Variants in RBFOX1 observed in about 807,000 individuals in gnomAD.
RBFOX1 encodes the protein RNA binding protein fox-1 homolog 1.
Under a neutral mutation model 57.7 loss-of-function variants are expected in RBFOX1, and 8 were observed. The ratio of observed to expected loss-of-function variants is 0.14; its 90% CI spans 0.08 to 0.25. The LOEUF (loss-of-function observed/expected upper bound fraction) is 0.25, where lower values mean the gene tolerates loss of function less well. Ranked by LOEUF, RBFOX1 falls within the 10% of genes least tolerant of loss-of-function variation. The pLI is 1.00. For synonymous variants in RBFOX1, 326 were observed against 222.4 expected, an observed-to-expected ratio of 1.47 and a Z score of -4.15; for missense variants, 611 against 548.5, an observed-to-expected ratio of 1.11 and a Z score of -1.14.
intron 14 of RBFOX1, among the ~76,000 whole-genome samples, chr16:7,698,835 C>CAT (rs1263766049): frequency 3.3e-5 from 5 of 152,168 alleles, no homozygotes; most frequent in Non-Finnish European, 7.3e-5. Context: ...GTATATGAGG[C>CAT]ATAGTCTCAG....
intron 3 of RBFOX1, among the ~76,000 whole-genome samples, chr16:6,658,920 G>GTTTTTTTGT (rs1469172243): frequency 4.5e-5 from 4 of 88,378 alleles, no homozygotes; most frequent in Non-Finnish European, 7.8e-5. Flanking sequence ...TTGTTTTTTT[G>GTTTTTTTGT]TTTTTTGGTT....
chr16:7,235,524 G>T (rs564194353), intron 4 of RBFOX1, among the ~76,000 whole-genome samples: 1 of 152,268 alleles, frequency 6.6e-6, no homozygotes, highest in South Asian at 2.1e-4. Flanking sequence ...ATGGGCCCCC[G>T]TAGCTTCATC....
intron 3 of RBFOX1, among the ~76,000 whole-genome samples, chr16:5,744,198 C>T (rs980309585): frequency 6.6e-6 from 1 of 152,126 alleles, no homozygotes; most frequent in Non-Finnish European, 1.5e-5. Context: ...TTCCACCTCA[C>T]TCATCTGGCA....
intron 2 of RBFOX1, among the ~76,000 whole-genome samples, chr16:6,336,303 A>G (rs2083744072): frequency 7.1e-6 from 1 of 141,742 alleles, no homozygotes. Flanking sequence ...GGTTCACGCC[A>G]TTCTGCCTCA....
intron 3 of RBFOX1, among the ~76,000 whole-genome samples, chr16:6,896,297 T>C (rs1348059102): frequency 6.6e-6 from 1 of 152,232 alleles, no homozygotes; most frequent in African/African-American, 2.4e-5. Context: ...TTTTTGGTAC[T>C]AACAATCCAA....
intron 4 of RBFOX1, among the ~76,000 whole-genome samples, chr16:7,501,026 C>T (rs2070645488): frequency 1.3e-5 from 2 of 152,194 alleles, no homozygotes; most frequent in African/African-American, 4.8e-5. Flanking sequence ...TCCCCTTCCA[C>T]CATGATTGTA....
chr16:6,295,923 C>A (rs4786850), intron 1 of RBFOX1, among the ~76,000 whole-genome samples: 93,240 of 152,104 alleles, frequency 0.61, 29,717 homozygotes, highest in East Asian at 0.81. Context: ...TCCAGCAGGA[C>A]ACCTGATGTA....
chr16:6,021,408 G>T (rs1398826840), intron 1 of RBFOX1, among the ~76,000 whole-genome samples: 1 of 152,114 alleles, frequency 6.6e-6, no homozygotes, highest in African/African-American at 2.4e-5. Context: ...TGACCACAGA[G>T]GCCCCGGCTG....
intron 3 of RBFOX1, among the ~76,000 whole-genome samples, chr16:6,782,829 A>T (rs745851282): frequency 6.6e-6 from 1 of 152,280 alleles, no homozygotes; most frequent in African/African-American, 2.4e-5. Flanking sequence ...TGGTATGTTA[A>T]CTTAGCATTC....
chr16:5,666,395 T>C (rs1237550909), intron 3 of RBFOX1, among the ~76,000 whole-genome samples: 4 of 152,192 alleles, frequency 2.6e-5, no homozygotes, highest in African/African-American at 9.6e-5. Flanking sequence ...GAAGATTACG[T>C]GCTCCTTTTA....
At chr16:6,629,740 T>C (rs1252032559) in intron 2 of RBFOX1, among the ~76,000 whole-genome samples, 1 of 152,220 alleles carries the variant, frequency 6.6e-6, no homozygotes, top group East Asian at 1.9e-4. Flanking sequence ...CTTTCCTTTC[T>C]AACCACATTT....
chr16:5,980,228 C>G (rs544248948), intron 4 of RBFOX1, among the ~76,000 whole-genome samples: 6 of 152,212 alleles, frequency 3.9e-5, no homozygotes, highest in African/African-American at 1.4e-4. Flanking sequence ...GTTTGCATCT[C>G]CCTTGGCTAA....
At chr16:5,632,242 C>T (rs922648261) in intron 3 of RBFOX1, among the ~76,000 whole-genome samples, 1 of 152,184 alleles carries the variant, frequency 6.6e-6, no homozygotes, top group Non-Finnish European at 1.5e-5. Context: ...AGACAACTAG[C>T]CACAGTCTGA....
intron 1 of RBFOX1, among the ~76,000 whole-genome samples, chr16:6,106,871 CTG>C (rs1355896646): frequency 2.0e-5 from 3 of 151,964 alleles, no homozygotes; most frequent in African/African-American, 2.4e-5. Context: ...CGGGGTTTCA[CTG>C]TGTTAGCCAG....
chr16:7,293,161 A>C (rs1229163803), intron 4 of RBFOX1, among the ~76,000 whole-genome samples: 2 of 152,196 alleles, frequency 1.3e-5, no homozygotes, highest in African/African-American at 2.4e-5. Context: ...GCAGATCAAA[A>C]ATATTCAGAA....
chr16:7,068,449 C>G (rs1313343366), intron 4 of RBFOX1, among the ~76,000 whole-genome samples: 1 of 152,182 alleles, frequency 6.6e-6, no homozygotes, highest in Admixed American at 6.5e-5. Context: ...GGACTCACCT[C>G]TACCTGCCTT....
At chr16:5,887,944 C>A (rs1454522383) in intron 4 of RBFOX1, among the ~76,000 whole-genome samples, 1 of 151,952 alleles carries the variant, frequency 6.6e-6, no homozygotes, top group Non-Finnish European at 1.5e-5. Context: ...GGGCAAGGAC[C>A]ACACACACAC....
intron 3 of RBFOX1, among the ~76,000 whole-genome samples, chr16:5,726,662 C>A (rs897093805): frequency 6.6e-6 from 1 of 152,200 alleles, no homozygotes; most frequent in Non-Finnish European, 1.5e-5. Context: ...ATGTTATGAT[C>A]AAGGCTTAAC....
intron 1 of RBFOX1, among the ~76,000 whole-genome samples, chr16:5,425,067 A>ATTTATTTATCTATCTG (rs1567491128): frequency 8.4e-5 from 4 of 47,362 alleles, no homozygotes; most frequent in East Asian, 8.7e-4. Flanking sequence ...TTCCTTTCTT[A>ATTTATTTATCTATCTG]TCTATCTATC....
Sources: allele counts gnomAD v4.1 joint callset (sites outside exome capture counted in the v4.1 genomes callset), GRCh38; gene constraint gnomAD v4.1.1; transcripts MANE v1.5; gene names NCBI Gene and HGNC (gene_info 2026-07-23, HGNC 2026-07-21).